Variants in SAMMSON observed in about 807,000 individuals in gnomAD.
SAMMSON encodes the protein long intergenic non-protein coding RNA 1212.
At chr3:70,283,520 C>G (rs1013204314) in intron 6 of SAMMSON, 3 of 152,090 alleles carry the variant, frequency 2.0e-5, no homozygotes, top group Admixed American at 2.0e-4. Context: ...CAGAACTAGA[C>G]AGAACTGGGT....
At chr3:70,170,287 C>A (rs951592250) in intron 4 of SAMMSON, among the ~76,000 whole-genome samples, 2 of 151,250 alleles carry the variant, frequency 1.3e-5, no homozygotes. Context: ...AAAAATGAAA[C>A]AGGTACTTTT....
intron 6 of SAMMSON, among the ~76,000 whole-genome samples, chr3:70,257,177 A>C (rs746031972): frequency 6.6e-6 from 1 of 152,216 alleles, no homozygotes; most frequent in Non-Finnish European, 1.5e-5. Flanking sequence ...AATTTTGTGA[A>C]CTATACATTT....
intron 4 of SAMMSON, among the ~76,000 whole-genome samples, chr3:70,236,976 G>A (rs1011807819): frequency 1.3e-5 from 2 of 152,152 alleles, no homozygotes. Flanking sequence ...AAAAATCATA[G>A]CTTAAGCAAC....
Position 70,266,576 on chromosome 3 carries a change from C to T in SAMMSON, n.674+16906C>T, listed in dbSNP as rs138462348. On this transcript the variant is annotated intron_variant and non_coding_transcript_variant, in intron 6 of 9. Coordinates refer to ENST00000642114, the Ensembl canonical transcript of SAMMSON. ...AGTAGCTGGGACTACAGGCACACAC[C>T]ACCACACAAGGGTGAATTTTTTTAT... Among the ~76,000 whole-genome samples, 976 of 152,072 alleles carry T rather than the reference C, an allele frequency of 6.4e-3. 12 individuals are homozygous for T. Among genetic ancestry groups the T allele is most frequent in the African/African-American group, 0.023 (948 of 41,476 alleles).
chr3:70,290,288 CTG>C (rs1702219658), intron 6 of SAMMSON, among the ~76,000 whole-genome samples: 1 of 152,176 alleles, frequency 6.6e-6, no homozygotes, highest in African/African-American at 2.4e-5. Context: ...AGACGGGACT[CTG>C]AGCTGCAGGT....
intron 6 of SAMMSON, among the ~76,000 whole-genome samples, chr3:70,271,489 T>G (rs1210641370): frequency 2.0e-5 from 3 of 152,352 alleles, no homozygotes; most frequent in African/African-American, 7.2e-5. Flanking sequence ...AATTTCTGAA[T>G]TTTAAATGTT....
At chr3:70,090,756 G>A (rs1201168323) in intron 4 of SAMMSON, among the ~76,000 whole-genome samples, 2 of 148,116 alleles carry the variant, frequency 1.4e-5, no homozygotes, top group Non-Finnish European at 3.0e-5. Context: ...ACCTTTCCAT[G>A]TCAAATTGCT....
At chr3:70,051,109 T>G in intron 3 of SAMMSON, among the ~76,000 whole-genome samples, 1 of 110,350 alleles carries the variant, frequency 9.1e-6, no homozygotes, top group Non-Finnish European at 1.6e-5. Context: ...CCCTCCAGCC[T>G]GGGCCACAGA....
At chr3:70,218,085 C>A (rs1268934125) in intron 4 of SAMMSON, among the ~76,000 whole-genome samples, 1 of 152,130 alleles carries the variant, frequency 6.6e-6, no homozygotes, top group Non-Finnish European at 1.5e-5. Flanking sequence ...ACTATGGAAT[C>A]TATCAAAAGG....
At chr3:70,228,101 A>G (rs1223736361) in intron 4 of SAMMSON, among the ~76,000 whole-genome samples, 1 of 152,006 alleles carries the variant, frequency 6.6e-6, no homozygotes, top group Non-Finnish European at 1.5e-5. Context: ...TTAAAATAAC[A>G]TGTACTAAAT....
At chr3:70,333,629 G>C (rs1702641185) in intron 7 of SAMMSON, among the ~76,000 whole-genome samples, 1 of 151,992 alleles carries the variant, frequency 6.6e-6, no homozygotes, top group African/African-American at 2.4e-5. Flanking sequence ...CTTTTACATA[G>C]AGCCCAGCAT....
intron 9 of SAMMSON, among the ~76,000 whole-genome samples, chr3:70,374,776 T>C (rs1702998665): frequency 3.3e-5 from 5 of 152,160 alleles, no homozygotes; most frequent in Admixed American, 3.3e-4. Context: ...CAGTTGGCAT[T>C]TGCTGTCATG....
chr3:70,020,308 C>T (rs1330929404), intron 3 of SAMMSON, among the ~76,000 whole-genome samples: 1 of 152,188 alleles, frequency 6.6e-6, no homozygotes, highest in Middle Eastern at 3.4e-3. Context: ...ATGCAGAAAG[C>T]AAAAATTCAA....
intron 4 of SAMMSON, among the ~76,000 whole-genome samples, chr3:70,167,833 C>G (rs2067644081): frequency 6.6e-6 from 1 of 151,926 alleles, no homozygotes; most frequent in Non-Finnish European, 1.5e-5. Context: ...GTAGAAGAAG[C>G]CTGTGGTCAT....
intron 4 of SAMMSON, among the ~76,000 whole-genome samples, chr3:70,096,513 C>T (rs1413025508): frequency 6.6e-6 from 1 of 152,188 alleles, no homozygotes; most frequent in Non-Finnish European, 1.5e-5. Context: ...CACTGCGCTC[C>T]AGCCTAGGCC....
intron 7 of SAMMSON, among the ~76,000 whole-genome samples, chr3:70,317,733 C>T (rs1025879976): frequency 6.6e-6 from 1 of 151,342 alleles, no homozygotes; most frequent in African/African-American, 2.4e-5. Flanking sequence ...TCTAAGTTAC[C>T]ATTTCTGGTT....
At chr3:70,417,976 G>A (rs1334311659) in intron 2 of SAMMSON, among the ~76,000 whole-genome samples, 2 of 152,196 alleles carry the variant, frequency 1.3e-5, no homozygotes, top group African/African-American at 4.8e-5. Flanking sequence ...AGAGGGAAGA[G>A]ACACTGTGGG....
chr3:70,237,979 C>CTTTTTTTTTTTTTTTTTTTTTTTT lies in SAMMSON; in HGVS notation n.508-11125_508-11102dup, dbSNP rs71672662. 6.5e-4 allele frequency among the ~76,000 whole-genome samples: 32 copies of CTTTTTTTTTTTTTTTTTTTTTTTT among 48,932 alleles called. 12 individuals are homozygous for CTTTTTTTTTTTTTTTTTTTTTTTT. Among genetic ancestry groups the CTTTTTTTTTTTTTTTTTTTTTTTT allele is most frequent in the East Asian group, 4.0e-3 (4 of 994 alleles). 32.1% of individuals were successfully genotyped at this position (48,932 alleles called of 152,430 possible). On this transcript the variant is annotated intron_variant and non_coding_transcript_variant, in intron 4 of 9. Transcript: ENST00000642114. The stretch of plus-strand genomic sequence containing the variant: ...GGAAAAGAAACTAATTGAGTGGTAT[C>CTTTTTTTTTTTTTTTTTTTTTTTT]TTTTTTTTTTTTTTTTTTTTTTTTT...
intron 4 of SAMMSON, among the ~76,000 whole-genome samples, chr3:70,088,595 G>T (rs764069125): frequency 6.6e-6 from 1 of 152,194 alleles, no homozygotes; most frequent in Non-Finnish European, 1.5e-5. Context: ...CTTTTGTAGA[G>T]AAGGTGAGAC....
Sources: allele counts gnomAD v4.1 joint callset (sites outside exome capture counted in the v4.1 genomes callset), GRCh38; gene constraint gnomAD v4.1.1; transcripts MANE v1.5; gene names NCBI Gene and HGNC (gene_info 2026-07-23, HGNC 2026-07-21).